MARCHF10: variants seen among roughly 807,000 people sequenced by gnomAD.
MARCHF10 encodes probable E3 ubiquitin-protein ligase MARCHF10.
A neutral mutation model predicts 76.2 loss-of-function variants in MARCHF10; 64 were observed. The ratio of observed to expected loss-of-function variants is 0.84; its 90% CI spans 0.69 to 1.03. The LOEUF is 1.03. MARCHF10 is among the 50% of genes least tolerant of loss of function. The probability of loss-of-function intolerance (pLI) is 0.00; values close to 1 mark genes in which losing one functional copy is unlikely to be tolerated. For synonymous variants in MARCHF10, 340 were observed against 357.5 expected (o/e 0.95, Z 0.55); for missense variants, 875 against 958.0 (o/e 0.91, Z 1.14).
At chr17:62,737,553 G>A in intron 5 of MARCHF10, 1 of 542,434 alleles carries the variant, frequency 1.8e-6, no homozygotes, top group Non-Finnish European at 3.2e-6. Context: ...CTAGGGAAAT[G>A]GGGGGACCCT....
At chr17:62,729,927 T>C (rs1053198309) in intron 6 of MARCHF10, among the ~76,000 whole-genome samples, 11 of 152,206 alleles carry the variant, frequency 7.2e-5, no homozygotes, top group Admixed American at 3.3e-4. Context: ...CTCACGCCTG[T>C]AATCCCAGCA....
chr17:62,726,541 G>A (rs565554496), intron 6 of MARCHF10, among the ~76,000 whole-genome samples: 92 of 152,326 alleles, frequency 6.0e-4, no homozygotes, highest in Non-Finnish European at 1.0e-3. Flanking sequence ...ATGTGTACAT[G>A]GGAGTGAGTG....
intron 10 of MARCHF10, 45 bp from the exon 11 acceptor site, chr17:62,701,803 C>A (rs201291034): frequency 6.2e-7 from 1 of 1,612,794 alleles, no homozygotes; most frequent in East Asian, 2.2e-5. Context: ...CGCAGCAGAC[C>A]GTGGGTCTGT....
intron 4 of MARCHF10, chr17:62,746,905 C>G: frequency 6.5e-7 from 1 of 1,536,142 alleles, no homozygotes; most frequent in Non-Finnish European, 8.7e-7. Context: ...GACCTTTCTT[C>G]CCCAGACTGC....
chr17:62,802,221 CTTTT>C (rs1033994370), intron 1 of MARCHF10, among the ~76,000 whole-genome samples: 1 of 152,046 alleles, frequency 6.6e-6, no homozygotes, highest in Non-Finnish European at 1.5e-5. Context: ...CATCTTTGCT[CTTTT>C]TTTCTTTTTT....
chr17:62,720,860 A>ATTTTTTT (rs56688878), intron 8 of MARCHF10, among the ~76,000 whole-genome samples: 23 of 88,034 alleles, frequency 2.6e-4, no homozygotes, highest in African/African-American at 3.1e-4. Flanking sequence ...GTAAGTTGTG[A>ATTTTTTT]TTTTTTTTTT....
intron 3 of MARCHF10, among the ~76,000 whole-genome samples, chr17:62,781,830 A>C (rs966153898): frequency 1.3e-5 from 2 of 152,238 alleles, no homozygotes; most frequent in African/African-American, 4.8e-5. Context: ...GAAAACTGCA[A>C]TATAAGTGTC....
chr17:62,798,214 G>GA (rs572780365), intron 2 of MARCHF10, among the ~76,000 whole-genome samples: 113 of 152,232 alleles, frequency 7.4e-4, no homozygotes, highest in African/African-American at 2.6e-3. Flanking sequence ...ATTGGGCTGA[G>GA]ATGGAACCCT....
At chr17:62,775,942 A>C (rs930470798) in intron 3 of MARCHF10, among the ~76,000 whole-genome samples, 1 of 151,966 alleles carries the variant, frequency 6.6e-6, no homozygotes, top group Non-Finnish European at 1.5e-5. Flanking sequence ...TCAGCCTTCC[A>C]AGTAGCGGGA....
At chr17:62,728,151 A>C (rs1040710360) in intron 6 of MARCHF10, among the ~76,000 whole-genome samples, 1 of 152,162 alleles carries the variant, frequency 6.6e-6, no homozygotes, top group African/African-American at 2.4e-5. Flanking sequence ...CAGCCTCCCA[A>C]GTAGCTGTGA....
In MARCHF10 at chr17:62,725,054, T is replaced by C. The variant is rs2090686945; in HGVS notation, c.1988A>G (p.Gln663Arg). ...EEEGDLCRIC[Q>R]IAGGSPSNPL... ...GTTGCTTGGGGAACCCCCGGCTATC[T>C]GACAGATGCGACACAAGTCTCCCTC... The change falls in exon 7 of 11, where the codon CAG (glutamine) becomes CGG (arginine). Residue 663 changes from glutamine to arginine, a missense_variant. Transcript: ENST00000311269. 1 of 1,606,802 alleles carries C rather than the reference T, an allele frequency of 6.2e-7. No homozygotes were observed. The highest frequency in any genetic ancestry group is 8.5e-7 in the Non-Finnish European group (1 of 1,177,492).
intron 3 of MARCHF10, among the ~76,000 whole-genome samples, chr17:62,785,429 G>T (rs1437728252): frequency 6.6e-6 from 1 of 152,118 alleles, no homozygotes; most frequent in Non-Finnish European, 1.5e-5. Context: ...AATCCTAGAA[G>T]AAAATCTAGG....
At chr17:62,727,691 C>T (rs34445077) in intron 6 of MARCHF10, among the ~76,000 whole-genome samples, 1,523 of 152,134 alleles carry the variant, frequency 0.01, 11 homozygotes, top group Non-Finnish European at 0.018. Context: ...AGAATGAATC[C>T]ACAATAGTGC....
chr17:62,724,662 G>A (rs2090662118), intron 7 of MARCHF10, among the ~76,000 whole-genome samples: 1 of 152,102 alleles, frequency 6.6e-6, no homozygotes, highest in Non-Finnish European at 1.5e-5. Flanking sequence ...TCAAGCAGAG[G>A]TAGAATTCAA....
chr17:62,701,582 C>A lies in MARCHF10; in HGVS notation c.*121G>T, dbSNP rs886984551. 6.3e-7 allele frequency: 1 copy of A among 1,588,448 alleles called. No individual in the cohort carries two copies. The highest frequency in any genetic ancestry group is 1.1e-5 in the South Asian group (1 of 89,338). On this transcript the variant is annotated 3_prime_UTR_variant, in exon 11 of 11. Transcript: ENST00000311269. ...AAAGAGAGTGGCACGAGGTGAAAAT[C>A]TAACTGTGAACGCTTTGGTTTCAGT...
chr17:62,777,209 G>GT (rs1322506187), intron 3 of MARCHF10, among the ~76,000 whole-genome samples: 14 of 152,150 alleles, frequency 9.2e-5, no homozygotes, highest in Admixed American at 8.5e-4. Flanking sequence ...TGCAATCAAG[G>GT]TAAGAGGTGG....
intron 4 of MARCHF10, among the ~76,000 whole-genome samples, chr17:62,751,667 A>C (rs1406912574): frequency 6.6e-6 from 1 of 152,176 alleles, no homozygotes; most frequent in Non-Finnish European, 1.5e-5. Flanking sequence ...AGTTTGGGAG[A>C]TGCTGCAGCT....
intron 1 of MARCHF10, among the ~76,000 whole-genome samples, chr17:62,803,561 C>T (rs541068642): frequency 3.4e-4 from 51 of 152,204 alleles, no homozygotes; most frequent in Middle Eastern, 3.4e-3. Context: ...GCTCTGTCGC[C>T]CAGGCTGGAG....
intron 1 of MARCHF10, among the ~76,000 whole-genome samples, chr17:62,806,939 C>T (rs2093173301): frequency 6.6e-6 from 1 of 152,204 alleles, no homozygotes; most frequent in Admixed American, 6.5e-5. Flanking sequence ...AAGAGAAAGA[C>T]ATCACTAAAG....
Sources: allele counts gnomAD v4.1 joint callset (sites outside exome capture counted in the v4.1 genomes callset), GRCh38; gene constraint gnomAD v4.1.1; transcripts MANE v1.5; gene names NCBI Gene and HGNC (gene_info 2026-07-23, HGNC 2026-07-21).